The following TBC1D14 variants were observed in gnomAD, a reference collection of about 807,000 sequenced individuals.
TBC1D14 encodes the protein TBC1 domain family, member 14.
Under a neutral mutation model 79.0 loss-of-function variants are expected in TBC1D14, and 26 were observed. The ratio of observed to expected loss-of-function variants is 0.33; its 90% CI spans 0.24 to 0.46. The LOEUF (loss-of-function observed/expected upper bound fraction) is 0.46. TBC1D14 is among the 20% of genes least tolerant of loss of function. The pLI is 1.00. For missense variants in TBC1D14, 769 were observed against 887.6 expected, an observed-to-expected ratio of 0.87 and a Z score of 1.70; for synonymous variants, 394 against 349.9, an observed-to-expected ratio of 1.13 and a Z score of -1.40.
chr4:6,909,534 G>C (rs1308478978), upstream of TBC1D14: 1 of 152,140 alleles, frequency 6.6e-6, no homozygotes, highest in African/African-American at 2.4e-5. Context: ...GATGTCCGTG[G>C]GGGCCCTGCG....
intron 2 of TBC1D14, among the ~76,000 whole-genome samples, chr4:6,942,550 G>A (rs145542082): frequency 6.6e-4 from 100 of 152,314 alleles, no homozygotes; most frequent in African/African-American, 1.9e-3. Context: ...TACAACCCAG[G>A]CTCTGGGTAC....
chr4:7,005,067 G>T (rs2109221682), intron 8 of TBC1D14, 143 bp downstream of exon 8: 2 of 813,612 alleles, frequency 2.5e-6, no homozygotes, highest in East Asian at 2.8e-5. Context: ...GGTTTTTTTT[G>T]TTTTGTTTTT....
chr4:6,990,749 T>C (rs1035428315), intron 3 of TBC1D14, among the ~76,000 whole-genome samples: 1 of 152,188 alleles, frequency 6.6e-6, no homozygotes, highest in South Asian at 2.1e-4. Flanking sequence ...CACAGTGGTC[T>C]GTACAGTTGC....
chr4:6,948,295 C>T (rs1713676916), intron 2 of TBC1D14, among the ~76,000 whole-genome samples: 1 of 152,226 alleles, frequency 6.6e-6, no homozygotes, highest in South Asian at 2.1e-4. Flanking sequence ...ACTGTTCTGA[C>T]TCTGTCACCA....
chr4:6,912,303 C>T (rs1723061042), intron 1 of TBC1D14, among the ~76,000 whole-genome samples: 2 of 151,556 alleles, frequency 1.3e-5, no homozygotes, highest in African/African-American at 2.4e-5. Context: ...TCGCTTGAAC[C>T]CGGGAGGTGG....
Position 6,991,823 on chromosome 4 carries a change from G to A in TBC1D14, c.844-2361G>A, listed in dbSNP as rs538237674. On this transcript the variant is annotated intron_variant, in intron 3 of 13. Coordinates refer to ENST00000409757, the MANE Select transcript of TBC1D14 (RefSeq NM_020773.3). ...ACTCAGAGGTGCTGGGCTTGTTAGCGTCAGCCGCCGCCACTGTTTGTTGCT... is the reference window on the plus strand; with the variant it reads ...ACTCAGAGGTGCTGGGCTTGTTAGCATCAGCCGCCGCCACTGTTTGTTGCT... Among the ~76,000 whole-genome samples, 16 of 152,354 alleles carry A rather than the reference G, an allele frequency of 1.1e-4. No homozygotes were observed. In the South Asian group the frequency reaches 3.3e-3, roughly 32 times the overall value.
intron 13 of TBC1D14, among the ~76,000 whole-genome samples, chr4:7,027,522 CCACA>C (rs955183446): frequency 6.7e-6 from 1 of 149,326 alleles, no homozygotes; most frequent in Non-Finnish European, 1.5e-5. Context: ...CCCAGTCACC[CCACA>C]CACACATCAC....
At chr4:7,010,861 GAAA>G in intron 11 of TBC1D14, 80 bp downstream of exon 11, 2 of 1,471,762 alleles carry the variant, frequency 1.4e-6, no homozygotes, top group Non-Finnish European at 1.8e-6. Context: ...GTTTTCGGTG[GAAA>G]AAAAGAATAC....
At chr4:6,941,157 T>A (rs1712865160) in intron 2 of TBC1D14, among the ~76,000 whole-genome samples, 1 of 151,620 alleles carries the variant, frequency 6.6e-6, no homozygotes, top group African/African-American at 2.4e-5. Flanking sequence ...GCTGGGAAAC[T>A]TGCCTGTATC....
chr4:6,916,468 A>G (rs1386410209), intron 1 of TBC1D14, among the ~76,000 whole-genome samples: 2 of 152,222 alleles, frequency 1.3e-5, no homozygotes, highest in African/African-American at 4.8e-5. Flanking sequence ...TCTTTTATGT[A>G]TGAAGACTTT....
intron 2 of TBC1D14, among the ~76,000 whole-genome samples, chr4:6,953,023 C>CTTTTTTTT (rs371101904): frequency 9.3e-6 from 1 of 107,112 alleles, no homozygotes; most frequent in African/African-American, 3.7e-5. Flanking sequence ...TTTTTTCTTT[C>CTTTTTTTT]TTTTTTTTTT....
intron 2 of TBC1D14, among the ~76,000 whole-genome samples, chr4:6,938,186 A>G (rs1712534624): frequency 6.6e-6 from 1 of 152,030 alleles, no homozygotes; most frequent in Non-Finnish European, 1.5e-5. Flanking sequence ...ATCCTCAGGG[A>G]GAGCTTGTCT....
chr4:6,991,605 C>T (rs1718495475), intron 3 of TBC1D14, among the ~76,000 whole-genome samples: 2 of 152,228 alleles, frequency 1.3e-5, no homozygotes, highest in South Asian at 4.1e-4. Context: ...TGACCACAGC[C>T]ACAGCTTTGC....
intron 3 of TBC1D14, among the ~76,000 whole-genome samples, chr4:6,968,061 C>G (rs1266099197): frequency 6.6e-6 from 1 of 152,202 alleles, no homozygotes. Flanking sequence ...TGCAGCTTCT[C>G]TTAGGCTGTG....
chr4:7,011,228 C>T (rs928570382), intron 11 of TBC1D14, among the ~76,000 whole-genome samples: 4 of 152,108 alleles, frequency 2.6e-5, no homozygotes, highest in South Asian at 2.1e-4. Flanking sequence ...AAAGGAGACA[C>T]GCTGGAGACC....
At chr4:6,967,525 C>G (rs532064737) in intron 3 of TBC1D14, 101 bp downstream of exon 3, 144 of 1,462,352 alleles carry the variant, frequency 9.8e-5, no homozygotes, top group Non-Finnish European at 1.2e-4. Flanking sequence ...AACTGGAAAT[C>G]GCTTTGTATT....
At chr4:7,021,279 C>G (rs1331793830) in intron 12 of TBC1D14, among the ~76,000 whole-genome samples, 2 of 152,178 alleles carry the variant, frequency 1.3e-5, no homozygotes, top group South Asian at 4.1e-4. Context: ...CTGAGAGACA[C>G]GTCATTTGTT....
At chr4:6,945,703 C>G (rs1442705058) in intron 2 of TBC1D14, among the ~76,000 whole-genome samples, 1 of 127,546 alleles carries the variant, frequency 7.8e-6, no homozygotes, top group Non-Finnish European at 1.5e-5. Context: ...GAGCCGAGAT[C>G]GCGCCATTGC....
intron 9 of TBC1D14, among the ~76,000 whole-genome samples, chr4:7,009,183 A>G (rs566926008): frequency 1.3e-4 from 20 of 152,330 alleles, no homozygotes; most frequent in African/African-American, 4.6e-4. Flanking sequence ...CATAGACAGT[A>G]AGTGTTTGGG....
Sources: gnomAD v4.1 joint callset for allele counts (sites outside exome capture counted in the v4.1 genomes callset) on GRCh38, gnomAD v4.1.1 for gene constraint, MANE v1.5 for transcripts, NCBI Gene and HGNC (gene_info 2026-07-23, HGNC 2026-07-21) for gene names.